SLC24A3: variants seen among roughly 807,000 people sequenced by gnomAD.
The protein encoded by SLC24A3 is sodium/potassium/calcium exchanger 3.
SLC24A3 carries 28 observed loss-of-function variants against 75.8 expected under a neutral mutation model. The ratio of observed to expected loss-of-function variants is 0.37; its 90% confidence interval spans 0.27 to 0.51. The LOEUF is 0.51. Among genes scored for constraint, SLC24A3 ranks in the 20% least tolerant of loss-of-function variants. The pLI is 0.94. For synonymous variants in SLC24A3, 372 were observed against 334.1 expected, an observed-to-expected ratio of 1.11 and a Z score of -1.24; for missense variants, 663 against 847.8, an observed-to-expected ratio of 0.78 and a Z score of 2.71.
intron 1 of SLC24A3, chr20:19,242,442 A>G (rs1600389548): frequency 6.6e-6 from 1 of 152,178 alleles, no homozygotes; most frequent in Non-Finnish European, 1.5e-5. Context: ...GGAGGAAGCA[A>G]TTCTTTACTC....
At chr20:19,273,976 C>T (rs530465939) in intron 1 of SLC24A3, among the ~76,000 whole-genome samples, 5 of 151,002 alleles carry the variant, frequency 3.3e-5, no homozygotes, top group African/African-American at 9.7e-5. Flanking sequence ...AATCCAAAGG[C>T]GAAGAGGGGA....
At chr20:19,431,786 T>C (rs1007587796) in intron 2 of SLC24A3, among the ~76,000 whole-genome samples, 1 of 152,052 alleles carries the variant, frequency 6.6e-6, no homozygotes, top group Non-Finnish European at 1.5e-5. Flanking sequence ...CTGTCTGAAT[T>C]TGAGGAGTTC....
At chr20:19,397,803 T>C (rs1003538827) in intron 2 of SLC24A3, among the ~76,000 whole-genome samples, 1 of 152,100 alleles carries the variant, frequency 6.6e-6, no homozygotes, top group Admixed American at 6.6e-5. Flanking sequence ...ATTGTTATGA[T>C]GTTGAAAGGG....
In SLC24A3 at chr20:19,212,792, C is replaced by G; in HGVS notation, c.-51C>G. ...TGCCGCTGTCCCCGCCGCGGCCGCC[C>G]GCGACAGGAGCGGCCGCCGCCCGCC... On this transcript the variant is annotated 5_prime_UTR_variant, in exon 1 of 17. Coordinates refer to ENST00000328041, the MANE Select transcript of SLC24A3 (RefSeq NM_020689.4). The G allele has an allele frequency of 2.0e-6, 2 of 978,716 alleles. No individual in the cohort carries two copies. The highest frequency in any genetic ancestry group is 2.4e-6 in the Non-Finnish European group (2 of 826,950). 60.6% of individuals were successfully genotyped at this position (978,716 alleles called of 1,614,324 possible).
intron 3 of SLC24A3, among the ~76,000 whole-genome samples, chr20:19,579,029 T>C (rs1045437283): frequency 2.6e-5 from 4 of 152,142 alleles, no homozygotes; most frequent in African/African-American, 9.7e-5. Context: ...TGCTCTCTAA[T>C]TGGGCCAACC....
chr20:19,251,834 G>T (rs915496114), intron 1 of SLC24A3, among the ~76,000 whole-genome samples: 39 of 152,340 alleles, frequency 2.6e-4, no homozygotes, highest in African/African-American at 9.4e-4. Context: ...CACCAGGGCA[G>T]CCGGGGTCCC....
At chr20:19,267,565 A>G (rs1006944230) in intron 1 of SLC24A3, among the ~76,000 whole-genome samples, 2 of 152,200 alleles carry the variant, frequency 1.3e-5, no homozygotes, top group African/African-American at 4.8e-5. Context: ...TTTCTAATAA[A>G]AGTCATTGAA....
At chr20:19,647,088 C>G (rs2032149327) in intron 6 of SLC24A3, among the ~76,000 whole-genome samples, 1 of 152,052 alleles carries the variant, frequency 6.6e-6, no homozygotes, top group Admixed American at 6.5e-5. Flanking sequence ...AATTTACACT[C>G]CTAGGTGCAG....
intron 2 of SLC24A3, among the ~76,000 whole-genome samples, chr20:19,492,128 T>A (rs1198308558): frequency 6.6e-6 from 1 of 152,192 alleles, no homozygotes; most frequent in Non-Finnish European, 1.5e-5. Context: ...ATCTACCTTT[T>A]GATAGGAAAC....
chr20:19,385,699 T>C (rs898359188), intron 2 of SLC24A3, among the ~76,000 whole-genome samples: 2 of 151,922 alleles, frequency 1.3e-5, no homozygotes, highest in African/African-American at 4.8e-5. Flanking sequence ...TGGATTGCAG[T>C]GTTGCAGTCA....
rs796998658 is a variant in SLC24A3 at position 19,704,173 on chromosome 20, GGATGGATGGATGGAGA to G, written c.1719+5508_1719+5523del. ...TGGATGGATGGATGGATGGAGAGAT[GGATGGATGGATGGAGA>G]GATGGATGGATGGATAGATGGATGG... On this transcript the variant is annotated intron_variant, in intron 15 of 16. Transcript: ENST00000328041. 5.4e-3 allele frequency among the ~76,000 whole-genome samples: 526 copies of G among 97,090 alleles called. 4 individuals are homozygous for G. The highest frequency in any genetic ancestry group is 0.022 in the African/African-American group (499 of 22,560). The allele number at this position is 97,090 out of a possible 152,430, so 63.7% of individuals were successfully genotyped here.
chr20:19,645,039 C>A (rs573225567), intron 6 of SLC24A3, among the ~76,000 whole-genome samples: 1 of 152,152 alleles, frequency 6.6e-6, no homozygotes, highest in African/African-American at 2.4e-5. Flanking sequence ...TTACAGTCAC[C>A]GCAGTTATCT....
chr20:19,387,874 G>C (rs1986298504), intron 2 of SLC24A3, among the ~76,000 whole-genome samples: 1 of 152,238 alleles, frequency 6.6e-6, no homozygotes, highest in East Asian at 1.9e-4. Flanking sequence ...TTTCATTATT[G>C]ATTTTCAGTC....
chr20:19,676,307 G>A (rs2032523703), intron 9 of SLC24A3, among the ~76,000 whole-genome samples: 1 of 152,096 alleles, frequency 6.6e-6, no homozygotes, highest in East Asian at 1.9e-4. Flanking sequence ...TACCAAATGT[G>A]GAAGCTAATG....
chr20:19,351,917 G>T (rs1181805162), intron 2 of SLC24A3, among the ~76,000 whole-genome samples: 1 of 152,110 alleles, frequency 6.6e-6, no homozygotes, highest in East Asian at 1.9e-4. Flanking sequence ...TGAAGGAAAT[G>T]GTGCCCCTCA....
chr20:19,315,493 GA>G (rs1422554034), intron 2 of SLC24A3, among the ~76,000 whole-genome samples: 1 of 145,986 alleles, frequency 6.8e-6, no homozygotes, highest in African/African-American at 2.4e-5. Context: ...CATGGTCTTA[GA>G]AAGTCTTAGA....
At chr20:19,585,208 G>A (rs114770467) in intron 5 of SLC24A3, among the ~76,000 whole-genome samples, 153 bp downstream of exon 5, 2,575 of 152,222 alleles carry the variant, frequency 0.017, 27 homozygotes, top group Non-Finnish European at 0.019. Context: ...CCCATCTGCC[G>A]TTGTTGTTTT....
intron 9 of SLC24A3, among the ~76,000 whole-genome samples, chr20:19,677,210 AG>A (rs1157621692): frequency 6.6e-6 from 1 of 151,552 alleles, no homozygotes; most frequent in Admixed American, 6.6e-5. Flanking sequence ...CTGTGATCCC[AG>A]CTATTCAGAA....
At chr20:19,533,790 C>G (rs2030346710) in intron 3 of SLC24A3, among the ~76,000 whole-genome samples, 2 of 152,190 alleles carry the variant, frequency 1.3e-5, no homozygotes, top group African/African-American at 4.8e-5. Flanking sequence ...GGAGTTGACC[C>G]AACCATATCT....
Sources: gnomAD v4.1 joint callset for allele counts (sites outside exome capture counted in the v4.1 genomes callset) on GRCh38, gnomAD v4.1.1 for gene constraint, MANE v1.5 for transcripts, NCBI Gene and HGNC (gene_info 2026-07-23, HGNC 2026-07-21) for gene names.